Variants in ABRAXAS2 observed in about 807,000 individuals in gnomAD.
ABRAXAS2 encodes the protein abraxas 2, BRISC complex subunit, also known as BRISC complex subunit Abraxas 2.
ABRAXAS2 carries 23 observed loss-of-function variants against 49.0 expected under a neutral mutation model. That is an observed-to-expected ratio of 0.47 (90% CI 0.34 to 0.66). The LOEUF (loss-of-function observed/expected upper bound fraction) is 0.66, where lower values mean the gene tolerates loss of function less well. Among genes scored for constraint, ABRAXAS2 ranks in the 30% least tolerant of loss-of-function variants. ABRAXAS2 has a pLI of 0.01. For synonymous variants in ABRAXAS2, 168 were observed against 180.2 expected (o/e 0.93, Z 0.54); for missense variants, 443 against 511.9 (o/e 0.87, Z 1.30).
chr10:124,812,244 A>G (rs1320457333), intron 2 of ABRAXAS2, among the ~76,000 whole-genome samples: 1 of 152,210 alleles, frequency 6.6e-6, no homozygotes, highest in South Asian at 2.1e-4. Flanking sequence ...TTGCTGTACA[A>G]TCTTTAACTT....
intron 4 of ABRAXAS2, among the ~76,000 whole-genome samples, chr10:124,820,379 A>T (rs956728831): frequency 2.6e-5 from 4 of 152,230 alleles, no homozygotes; most frequent in African/African-American, 7.2e-5. Flanking sequence ...CTGGGAGCAG[A>T]CATTCTGGAA....
intron 2 of ABRAXAS2, among the ~76,000 whole-genome samples, chr10:124,809,611 C>G (rs892502153): frequency 1.3e-5 from 2 of 151,738 alleles, no homozygotes; most frequent in African/African-American, 4.8e-5. Context: ...GAAGTTAGGT[C>G]AGGATTAAGG....
rs775473132 is a variant in ABRAXAS2, at chr10:124,834,880, C to T, written c.1157C>T (p.Pro386Leu). 2 of 1,614,032 alleles carry T rather than the reference C, an allele frequency of 1.2e-6. No homozygotes were observed. The highest frequency in any genetic ancestry group is 2.7e-5 in the African/African-American group (2 of 74,908). ...DYENLIDPTE[P>L]SNSEYSHSKD... is the part of the protein sequence containing the mutation. ...GAAAATTTGATTGACCCTACAGAGC[C>T]TTCTAATAGTGAATACTCACATTCA... Residue 386 changes from proline to leucine, a missense_variant, in exon 9 of 9, where the codon CCT (proline) becomes CTT (leucine). Physicochemically the swap from Pro to Leu is moderately conservative, Grantham distance 98. Around this residue, in one of 3 missense-constraint regions of ABRAXAS2, gnomAD observed 230 missense variants for 237.0 expected, o/e 0.97. Transcript: ENST00000298492.
intron 1 of ABRAXAS2, among the ~76,000 whole-genome samples, chr10:124,805,623 T>G (rs1219499727): frequency 6.6e-6 from 1 of 152,212 alleles, no homozygotes; most frequent in Non-Finnish European, 1.5e-5. Context: ...ATAATAAATG[T>G]ATTTATTTAT....
At chr10:124,813,926 G>T (rs1216524197) in intron 2 of ABRAXAS2, among the ~76,000 whole-genome samples, 1 of 152,118 alleles carries the variant, frequency 6.6e-6, no homozygotes, top group Non-Finnish European at 1.5e-5. Flanking sequence ...TTGCAACAAA[G>T]ATTCTGCATC....
At chr10:124,826,139 T>C (rs1950894841) in intron 4 of ABRAXAS2, among the ~76,000 whole-genome samples, 2 of 152,262 alleles carry the variant, frequency 1.3e-5, no homozygotes, top group Admixed American at 6.5e-5. Flanking sequence ...GTTTGATGTA[T>C]GTGTAAACTT....
intron 2 of ABRAXAS2, among the ~76,000 whole-genome samples, chr10:124,815,557 T>C (rs1360691483): frequency 3.3e-5 from 5 of 152,130 alleles, no homozygotes; most frequent in Non-Finnish European, 7.4e-5. Context: ...GTTTTTTAAA[T>C]AACGGGTGAT....
chr10:124,809,289 T>A (rs1167372941), intron 2 of ABRAXAS2, among the ~76,000 whole-genome samples: 1 of 152,066 alleles, frequency 6.6e-6, no homozygotes, highest in African/African-American at 2.4e-5. Flanking sequence ...TTTATTTATT[T>A]ATTTATTCAT....
chr10:124,803,534 C>T (rs1950720511), intron 1 of ABRAXAS2, among the ~76,000 whole-genome samples: 1 of 152,168 alleles, frequency 6.6e-6, no homozygotes, highest in South Asian at 2.1e-4. Flanking sequence ...CTTTGTAAGC[C>T]ATATGGTCTC....
intron 8 of ABRAXAS2, among the ~76,000 whole-genome samples, chr10:124,833,691 G>C (rs1365963882): frequency 6.6e-6 from 1 of 152,160 alleles, no homozygotes; most frequent in Non-Finnish European, 1.5e-5. Flanking sequence ...TGGGATGATG[G>C]AATTGTGGGC....
chr10:124,804,155 G>C (rs1471987672), intron 1 of ABRAXAS2, among the ~76,000 whole-genome samples: 1 of 152,024 alleles, frequency 6.6e-6, no homozygotes, highest in Non-Finnish European at 1.5e-5. Flanking sequence ...TTCCGTTTTT[G>C]GCCTCTTAAA....
intron 4 of ABRAXAS2, among the ~76,000 whole-genome samples, chr10:124,820,474 T>C (rs1950855345): frequency 6.6e-6 from 1 of 151,330 alleles, no homozygotes; most frequent in African/African-American, 2.5e-5. Flanking sequence ...TTCATTATAC[T>C]TTTTTTTAAA....
chr10:124,831,978 G>A lies in ABRAXAS2; in HGVS notation c.778+515G>A, dbSNP rs537549571. 9.3e-5 allele frequency among the ~76,000 whole-genome samples: 14 copies of A among 150,504 alleles called. No individual in the cohort carries two copies. The East Asian group carries it at 2.5e-3, about 27-fold the overall frequency. On this transcript the variant is annotated intron_variant, in intron 8 of 8. Coordinates refer to ENST00000298492, the MANE Select transcript of ABRAXAS2 (RefSeq NM_032182.4). ...AACGATTCTCCTGCCTCAGTCTCCC[G>A]AGTAGCTGGGACTATAGGTGTCTGC...
At chr10:124,815,988 A>C (rs926362042) in intron 2 of ABRAXAS2, among the ~76,000 whole-genome samples, 1 of 146,278 alleles carries the variant, frequency 6.8e-6, no homozygotes, top group African/African-American at 2.6e-5. Flanking sequence ...CTGCAGCCTC[A>C]GCCTCCCGGG....
intron 2 of ABRAXAS2, among the ~76,000 whole-genome samples, chr10:124,807,597 G>C (rs1360714718): frequency 6.6e-6 from 1 of 152,184 alleles, no homozygotes; most frequent in Non-Finnish European, 1.5e-5. Flanking sequence ...AGGTTGCAGT[G>C]AGCCAAGATC....
At chr10:124,806,117 G>A (rs900128702) in intron 1 of ABRAXAS2, among the ~76,000 whole-genome samples, 7 of 151,810 alleles carry the variant, frequency 4.6e-5, no homozygotes, top group Non-Finnish European at 8.8e-5. Context: ...TGGCTAACAC[G>A]GTGAAACCCC....
intron 8 of ABRAXAS2, among the ~76,000 whole-genome samples, chr10:124,831,724 G>T (rs1042653803): frequency 5.9e-5 from 9 of 151,386 alleles, no homozygotes; most frequent in African/African-American, 2.2e-4. Flanking sequence ...TAAATCCCAA[G>T]AAGTTATTGA....
intron 5 of ABRAXAS2, 26 bp from the exon 6 acceptor site, chr10:124,828,730 A>G (rs774974807): frequency 9.9e-6 from 16 of 1,609,202 alleles, no homozygotes; most frequent in Non-Finnish European, 1.3e-5. Context: ...TACATTTAAC[A>G]TGATCTCTCT....
chr10:124,831,247 A>G (rs1174341998), intron 7 of ABRAXAS2, 102 bp from the exon 8 acceptor site: 13 of 732,432 alleles, frequency 1.8e-5, no homozygotes, highest in South Asian at 8.0e-5. Context: ...TTTTAACTCA[A>G]TAAACCATCT....
Sources: gnomAD v4.1 joint callset for allele counts (sites outside exome capture counted in the v4.1 genomes callset) on GRCh38, gnomAD v4.1.1 for gene constraint, gnomAD v4.1.1 regional missense constraint, MANE v1.5 for transcripts, NCBI Gene and HGNC (gene_info 2026-07-23, HGNC 2026-07-21) for gene names.